NCOA1: variants seen among roughly 807,000 people sequenced by gnomAD.
The protein encoded by NCOA1 is nuclear receptor coactivator 1.
NCOA1 carries 35 observed loss-of-function variants against 150.9 expected under a neutral mutation model. The ratio of observed to expected loss-of-function variants is 0.23; its 90% CI spans 0.18 to 0.31. The LOEUF (loss-of-function observed/expected upper bound fraction) is 0.31, where lower values mean the gene tolerates loss of function less well. Among genes scored for constraint, NCOA1 ranks in the 10% least tolerant of loss-of-function variants. NCOA1 has a pLI of 1.00. For missense variants in NCOA1, 1,491 were observed against 1,749.3 expected, an observed-to-expected ratio of 0.85 and a Z score of 2.63; for synonymous variants, 590 against 630.0, an observed-to-expected ratio of 0.94 and a Z score of 0.95.
At chr2:24,714,000 A>G (rs1673894416) in intron 14 of NCOA1, among the ~76,000 whole-genome samples, 1 of 152,222 alleles carries the variant, frequency 6.6e-6, no homozygotes, top group Non-Finnish European at 1.5e-5. Flanking sequence ...CAGTTTGTGA[A>G]GGAAGAACAA....
chr2:24,561,552 A>T (rs1035371420), intron 1 of NCOA1, among the ~76,000 whole-genome samples: 1 of 152,222 alleles, frequency 6.6e-6, no homozygotes, highest in African/African-American at 2.4e-5. Flanking sequence ...CTGGCTCCAG[A>T]TAGAGAAATA....
intron 1 of NCOA1, among the ~76,000 whole-genome samples, chr2:24,516,186 CTTTTTTTTTTTT>C (rs755818385): frequency 1.1e-5 from 1 of 93,012 alleles, no homozygotes; most frequent in African/African-American, 4.3e-5. Flanking sequence ...TAGGTTTTGC[CTTTTTTTTTTTT>C]TTTTTTTTTT....
chr2:24,710,854 GAAGC>G (rs1245881309), intron 13 of NCOA1, 73 bp from the exon 14 acceptor site: 52 of 1,390,706 alleles, frequency 3.7e-5, no homozygotes, highest in Non-Finnish European at 1.6e-5. Context: ...AGAGTTTAAA[GAAGC>G]AGCATTTTTT....
At chr2:24,603,369 G>A (rs1668216162) in intron 3 of NCOA1, among the ~76,000 whole-genome samples, 1 of 152,194 alleles carries the variant, frequency 6.6e-6, no homozygotes, top group Non-Finnish European at 1.5e-5. Flanking sequence ...AAATAAGACA[G>A]TGAAGTTTGC....
intron 3 of NCOA1, among the ~76,000 whole-genome samples, chr2:24,592,578 ATTTTT>A (rs145333073): frequency 0.018 from 1,910 of 103,508 alleles, 29 homozygotes; most frequent in African/African-American, 0.057. Flanking sequence ...TCCCCTCCTA[ATTTTT>A]TTTTTTTTTT....
intron 1 of NCOA1, among the ~76,000 whole-genome samples, chr2:24,494,959 A>G (rs2148059341): frequency 2.0e-5 from 3 of 152,310 alleles, no homozygotes; most frequent in Middle Eastern, 6.8e-3. Context: ...CTAGTCATTT[A>G]AAACCTTTCC....
intron 20 of NCOA1, among the ~76,000 whole-genome samples, chr2:24,757,187 C>T (rs1664545201): frequency 6.6e-6 from 1 of 152,054 alleles, no homozygotes. Flanking sequence ...CTTTCTATAC[C>T]CACCCCTGGA....
intron 11 of NCOA1, among the ~76,000 whole-genome samples, chr2:24,701,400 G>A (rs1041146491): frequency 4.0e-5 from 6 of 151,744 alleles, no homozygotes; most frequent in African/African-American, 4.8e-5. Flanking sequence ...CCAGCTAGTC[G>A]GGAGGCTGAG....
chr2:24,556,510 T>C (rs1256000998), intron 1 of NCOA1, among the ~76,000 whole-genome samples: 1 of 152,200 alleles, frequency 6.6e-6, no homozygotes, highest in Non-Finnish European at 1.5e-5. Flanking sequence ...TCCCAAGTAA[T>C]GGCATTGCTG....
Position 24,728,455 on chromosome 2 carries a change from G to A in NCOA1, c.2865G>A (p.Leu955=). ...ETELAELDRA[L]GIDKLVQGGG... is the part of the protein sequence containing the mutation. ...AGCTAGCTGAACTAGACAGAGCTCTGGGAATTGACAAACTTGTTCAGGTAT... is the reference window on the plus strand; with the variant it reads ...AGCTAGCTGAACTAGACAGAGCTCTAGGAATTGACAAACTTGTTCAGGTAT... Residue 955 remains leucine (L), a synonymous_variant, in exon 16 of 23, where the codon CTG becomes CTA. Transcript: ENST00000348332. 7 of 1,612,726 alleles carry A rather than the reference G, an allele frequency of 4.3e-6. No individual in the cohort carries two copies. The highest frequency in any genetic ancestry group is 2.2e-5 in the East Asian group (1 of 44,802).
At chr2:24,757,246 A>T (rs1360567820) in intron 20 of NCOA1, among the ~76,000 whole-genome samples, 1 of 152,196 alleles carries the variant, frequency 6.6e-6, no homozygotes, top group Non-Finnish European at 1.5e-5. Context: ...CTCAATTGCC[A>T]GTGAGTCCCA....
intron 1 of NCOA1, among the ~76,000 whole-genome samples, chr2:24,523,623 A>AAAAAAAAAAAAAAAC (rs1664521283): frequency 7.7e-6 from 1 of 130,158 alleles, no homozygotes; most frequent in Non-Finnish European, 1.7e-5. Context: ...AAAAAAAAAA[A>AAAAAAAAAAAAAAAC]AAAAAAAGAA....
chr2:24,557,169 G>A (rs1436881095), intron 1 of NCOA1, among the ~76,000 whole-genome samples: 1 of 44,802 alleles, frequency 2.2e-5, no homozygotes, highest in Non-Finnish European at 8.0e-5. Flanking sequence ...TAGCAACGGT[G>A]GGTTGGGGCG....
intron 19 of NCOA1, among the ~76,000 whole-genome samples, chr2:24,749,131 T>C (rs1190944987): frequency 1.3e-5 from 2 of 152,222 alleles, no homozygotes; most frequent in Non-Finnish European, 2.9e-5. Flanking sequence ...TTTGGGCCAG[T>C]AGAGTAAGAG....
intron 1 of NCOA1, among the ~76,000 whole-genome samples, chr2:24,504,027 G>T (rs768362677): frequency 1.3e-5 from 2 of 152,054 alleles, no homozygotes; most frequent in African/African-American, 4.8e-5. Flanking sequence ...GAGCCACTGC[G>T]CCTGGCTACT....
intron 3 of NCOA1, among the ~76,000 whole-genome samples, chr2:24,615,225 A>T (rs1459771093): frequency 4.6e-5 from 7 of 152,176 alleles, no homozygotes; most frequent in Non-Finnish European, 1.0e-4. Flanking sequence ...TTGTGTAGGT[A>T]TTGAGGAAGC....
chr2:24,495,885 T>C (rs1572345061), intron 1 of NCOA1, among the ~76,000 whole-genome samples: 2 of 152,196 alleles, frequency 1.3e-5, no homozygotes, highest in African/African-American at 4.8e-5. Context: ...TTAAATGTGT[T>C]TAGCATATGA....
chr2:24,627,363 T>C (rs1023435177), intron 3 of NCOA1, among the ~76,000 whole-genome samples: 1 of 152,174 alleles, frequency 6.6e-6, no homozygotes, highest in Non-Finnish European at 1.5e-5. Flanking sequence ...TTTAGAAATA[T>C]GATAAAAATA....
intron 1 of NCOA1, among the ~76,000 whole-genome samples, chr2:24,500,776 A>G (rs1177138223): frequency 6.6e-6 from 1 of 152,232 alleles, no homozygotes; most frequent in African/African-American, 2.4e-5. Flanking sequence ...GCAAATAAAC[A>G]CACTTAATCT....
Sources: allele counts gnomAD v4.1 joint callset (sites outside exome capture counted in the v4.1 genomes callset), GRCh38; gene constraint gnomAD v4.1.1; transcripts MANE v1.5; gene names NCBI Gene and HGNC (gene_info 2026-07-23, HGNC 2026-07-21).